HMCN1: variants seen among roughly 807,000 people sequenced by gnomAD.
The protein encoded by HMCN1 is hemicentin-1.
In HMCN1, 321 loss-of-function variants were observed where a neutral mutation model predicts 625.9. The observed-to-expected ratio is 0.51, with a 90% confidence interval of 0.47 to 0.56. The LOEUF (loss-of-function observed/expected upper bound fraction) is 0.56, where lower values mean the gene tolerates loss of function less well. Ranked by LOEUF, HMCN1 falls within the 20% of genes least tolerant of loss-of-function variation. HMCN1 has a pLI of 0.00. For missense variants in HMCN1, 6,588 were observed against 6,887.3 expected, an observed-to-expected ratio of 0.96 and a Z score of 1.54; for synonymous variants, 2,425 against 2,417.6, an observed-to-expected ratio of 1.00 and a Z score of -0.09.
At chr1:186,057,169 G>T in intron 45 of HMCN1, 65 bp from the exon 46 acceptor site, 2 of 1,250,810 alleles carry the variant, frequency 1.6e-6, no homozygotes, top group Non-Finnish European at 1.2e-6. Context: ...ACAACATCAG[G>T]TATATCAAAT....
chr1:186,155,330 CATTGCCACCACTACCTTTTACT>C (rs1650928447), intron 97 of HMCN1, among the ~76,000 whole-genome samples: 1 of 152,124 alleles, frequency 6.6e-6, no homozygotes, highest in African/African-American at 2.4e-5. Flanking sequence ...CCACGCACAC[CATTGCCACCACTACCTTTTACT>C]ATTGCCATGC....
intron 2 of HMCN1, among the ~76,000 whole-genome samples, chr1:185,850,115 C>T (rs1382377908): frequency 1.3e-5 from 2 of 152,184 alleles, no homozygotes; most frequent in East Asian, 3.8e-4. Flanking sequence ...TTAACCTGTG[C>T]TTCATCTGGA....
At chr1:186,028,318 T>G (rs545015600) in intron 36 of HMCN1, among the ~76,000 whole-genome samples, 2 of 152,286 alleles carry the variant, frequency 1.3e-5, no homozygotes, top group Non-Finnish European at 2.9e-5. Flanking sequence ...CATCTTATTA[T>G]TAAAATAAGA....
At position 185,977,916 on chromosome 1, in the gene HMCN1, T is replaced by C; in HGVS notation, c.2501T>C (p.Ile834Thr). Residue 834 changes from isoleucine (I) to threonine (T), a missense_variant, in exon 16 of 107, where the codon ATT becomes ACT. Physicochemically the swap from Ile to Thr is moderately conservative, Grantham distance 89 (BLOSUM62 -1). This residue lies in a region of HMCN1 where 4,628 missense variants were observed against 4,853.1 expected (regional missense o/e 0.95). Transcript: ENST00000271588. ...TGGCGAAGATTAGACAACATGCCAA[T>C]TTTCTCAAGACCTTTTTCAGTTAGT... ...IKWRRLDNMPIFSRPFSVSSI... is the reference protein window; with the variant it reads ...IKWRRLDNMPTFSRPFSVSSI... 1 of 1,613,472 alleles carries C rather than the reference T, an allele frequency of 6.2e-7. No individual in the cohort carries two copies. The highest frequency in any genetic ancestry group is 8.5e-7 in the Non-Finnish European group (1 of 1,179,622).
In HMCN1 at chr1:186,018,319, G is replaced by A. The variant is rs761768202; in HGVS notation, c.5437G>A (p.Asp1813Asn). Residue 1813 changes from aspartate (D) to asparagine (N), a missense_variant, in exon 34 of 107, where the codon GAC (aspartate) becomes AAC (asparagine). Coordinates refer to ENST00000271588, the MANE Select transcript of HMCN1 (RefSeq NM_031935.3). The part of the protein sequence containing the change: ...YRCMAANTAG[D>N]HKKEFEVTVH... ...GTGCATGGCAGCAAATACTGCTGGA[G>A]ACCACAAGAAGGAATTTGAAGTGAC... 5.0e-6 allele frequency: 8 copies of A among 1,612,800 alleles called. No homozygotes were observed. In the African/African-American group the frequency reaches 9.4e-5, roughly 19 times the overall value.
At chr1:186,116,405 C>A (rs1003207748) in intron 75 of HMCN1, among the ~76,000 whole-genome samples, 1 of 143,168 alleles carries the variant, frequency 7.0e-6, no homozygotes, top group African/African-American at 2.6e-5. Flanking sequence ...CACATACACA[C>A]ACTTGTTCAA....
At chr1:186,119,126 C>A in intron 77 of HMCN1, 65 bp from the exon 78 acceptor site, 1 of 1,198,746 alleles carries the variant, frequency 8.3e-7, no homozygotes, top group South Asian at 1.2e-5. Flanking sequence ...AAAAGAGAGT[C>A]AAATTTTATT....
chr1:186,125,640 C>T lies in HMCN1; in HGVS notation c.12536C>T (p.Thr4179Met), dbSNP rs147851396. The T allele has an allele frequency of 1.5e-4, 237 of 1,613,178 alleles. 1 individual carries two copies. The East Asian group carries it at 4.7e-3, about 32-fold the overall frequency. The change falls in exon 82 of 107, where the codon ACG (threonine) becomes ATG (methionine). Residue 4179 changes from threonine to methionine, a missense_variant. Coordinates refer to ENST00000271588, the MANE Select transcript of HMCN1 (RefSeq NM_031935.3). ...PRIRSTEGHY[T>M]VNENSQAILP... Reference sequence around the variant, plus strand: ...ATCAGAAGTACAGAAGGACACTACACGGTCAATGAGAATTCACAAGCCATT... The same window carrying T: ...ATCAGAAGTACAGAAGGACACTACATGGTCAATGAGAATTCACAAGCCATT...
chr1:186,132,650 CTTT>C (rs36095829), intron 86 of HMCN1, among the ~76,000 whole-genome samples: 51 of 149,244 alleles, frequency 3.4e-4, no homozygotes, highest in African/African-American at 1.1e-3. Context: ...GGTGGCAGAG[CTTT>C]TTTTTTTATT....
chr1:186,052,754 A>G (rs1657045273), intron 42 of HMCN1, among the ~76,000 whole-genome samples, 198 bp from the exon 43 acceptor site: 1 of 152,068 alleles, frequency 6.6e-6, no homozygotes, highest in South Asian at 2.1e-4. Context: ...AAAAATTTAT[A>G]TCTGTTTACA....
chr1:186,112,843 G>A lies in HMCN1; in HGVS notation c.11021G>A (p.Gly3674Glu). The A allele has an allele frequency of 6.2e-7, 1 of 1,614,112 alleles. No individual in the cohort carries two copies. The highest frequency in any genetic ancestry group is 1.1e-5 in the South Asian group (1 of 91,084). ...CCTCGAGTGCGAATCCTATCTGGAG[G>A]GAGATACTTGCAAATCAACAATGCT... Reference protein sequence around the residue: ...ATPRVRILSGGRYLQINNADL... With the variant: ...ATPRVRILSGERYLQINNADL... The change falls in exon 72 of 107, where the codon GGG becomes GAG. Residue 3674 changes from glycine (G) to glutamate (E), a missense_variant. By Grantham distance (98) the Gly-to-Glu change is moderately conservative. Coordinates refer to ENST00000271588, the MANE Select transcript of HMCN1 (RefSeq NM_031935.3).
intron 1 of HMCN1, 74 bp downstream of exon 1, chr1:185,735,121 G>A: frequency 2.0e-6 from 3 of 1,496,916 alleles, no homozygotes; most frequent in South Asian, 2.3e-5. Context: ...GAATGAAATT[G>A]TTTGTCAGGA....
intron 1 of HMCN1, among the ~76,000 whole-genome samples, chr1:185,809,186 C>T (rs1557985862): frequency 6.6e-6 from 1 of 151,978 alleles, no homozygotes; most frequent in Admixed American, 6.6e-5. Flanking sequence ...TAGTAAAAAC[C>T]CCATTTTACA....
rs1185102259 is a variant in HMCN1, at chr1:186,063,096, A to ATATATATATATATATGTATATATG, written c.7513+503_7513+504insATATATATGTATATATGTATATAT. ...TATATATATATATATATATATATATATATATATCACATTTTCATTACCCAA... is the reference window on the plus strand; with the variant it reads ...TATATATATATATATATATATATATATATATATATATATATGTATATATGTATATATCACATTTTCATTACCCAA... On this transcript the variant is annotated intron_variant, in intron 48 of 106. Transcript: ENST00000271588. Among the ~76,000 whole-genome samples the ATATATATATATATATGTATATATG allele has an allele frequency of 6.1e-5, 7 of 115,404 alleles. No individual in the cohort carries two copies. In the South Asian group the frequency reaches 1.9e-3, roughly 32 times the overall value. The allele number at this position is 115,404 out of a possible 152,430, so 75.7% of individuals were successfully genotyped here.
intron 2 of HMCN1, among the ~76,000 whole-genome samples, chr1:185,860,527 A>G (rs181860505): frequency 8.6e-5 from 13 of 151,930 alleles, no homozygotes; most frequent in Admixed American, 7.2e-4. Context: ...CCAGGCTGGA[A>G]GGGAATTCCT....
chr1:186,011,847 T>C (rs1484054435), intron 30 of HMCN1, among the ~76,000 whole-genome samples: 1 of 152,216 alleles, frequency 6.6e-6, no homozygotes, highest in Non-Finnish European at 1.5e-5. Context: ...TTTGAAACAC[T>C]ATGAAGTTTA....
chr1:185,830,066 T>C (rs1660761808), intron 1 of HMCN1, among the ~76,000 whole-genome samples: 1 of 152,232 alleles, frequency 6.6e-6, no homozygotes, highest in South Asian at 2.1e-4. Context: ...TGTCTATTCA[T>C]ATCCTTTGCC....
intron 11 of HMCN1, among the ~76,000 whole-genome samples, chr1:185,959,571 T>G (rs1241275781): frequency 1.3e-5 from 2 of 151,968 alleles, no homozygotes; most frequent in Admixed American, 6.6e-5. Context: ...CCTAATAGAG[T>G]GCTGTGTTCC....
rs149860927 is a variant in HMCN1, at chr1:186,120,274, C to A, written c.12229+129C>A. ...TCTCGACATTCTTAGTTTGCATTAT[C>A]CTATTGGTTTTTCTATCACTTTTAT... On this transcript the variant is annotated intron_variant, in intron 80 of 106. Coordinates refer to ENST00000271588, the MANE Select transcript of HMCN1 (RefSeq NM_031935.3). 3.8e-6 allele frequency: 4 copies of A among 1,049,888 alleles called. 1 individual carries two copies. In the South Asian group the frequency reaches 6.4e-5, roughly 17 times the overall value. 65.0% of individuals were successfully genotyped at this position (1,049,888 alleles called of 1,614,324 possible).
Sources: gnomAD v4.1 joint callset for allele counts (sites outside exome capture counted in the v4.1 genomes callset) on GRCh38, gnomAD v4.1.1 for gene constraint, gnomAD v4.1.1 regional missense constraint, MANE v1.5 for transcripts, NCBI Gene and HGNC (gene_info 2026-07-23, HGNC 2026-07-21) for gene names.